Variants in ST6GALNAC3 observed in about 807,000 individuals in gnomAD.
The protein encoded by ST6GALNAC3 is ST6 N-acetylgalactosaminide alpha-2,6-sialyltransferase 3.
Under a neutral mutation model 32.7 loss-of-function variants are expected in ST6GALNAC3, and 25 were observed. That is an observed-to-expected ratio of 0.76 (90% CI 0.56 to 1.07). ST6GALNAC3 has a LOEUF of 1.07. Among genes scored for constraint, ST6GALNAC3 ranks in the 50% least tolerant of loss-of-function variants. ST6GALNAC3 has a pLI of 0.00. For synonymous variants in ST6GALNAC3, 129 were observed against 133.1 expected (o/e 0.97, Z 0.21); for missense variants, 355 against 382.4 (o/e 0.93, Z 0.60).
rs528697162 is a variant in ST6GALNAC3 at position 76,113,305 on chromosome 1, G to A, written c.18+38421G>A. 2.7e-5 allele frequency among the ~76,000 whole-genome samples: 4 copies of A among 147,414 alleles called. No homozygotes were observed. In the South Asian group the frequency reaches 6.7e-4, roughly 25 times the overall value. ...ATGGCAGCAGTACAGTCCAGCTTCC[G>A]CTCGGCATCAGAGGGAGACCGTGGG... is the stretch of plus-strand genomic sequence containing the variant. On this transcript the variant is annotated intron_variant, in intron 1 of 4. Coordinates refer to ENST00000328299, the MANE Select transcript of ST6GALNAC3 (RefSeq NM_152996.4).
chr1:76,576,212 T>C (rs1646804686), intron 3 of ST6GALNAC3, among the ~76,000 whole-genome samples: 1 of 151,974 alleles, frequency 6.6e-6, no homozygotes, highest in South Asian at 2.1e-4. Flanking sequence ...TTATTGGCAA[T>C]TAGTTATTAG....
chr1:76,156,128 G>C (rs1053620873), intron 1 of ST6GALNAC3, among the ~76,000 whole-genome samples: 1 of 151,982 alleles, frequency 6.6e-6, no homozygotes, highest in South Asian at 2.1e-4. Context: ...ATTAGACTGG[G>C]GTTATGGGTT....
At chr1:76,292,531 T>C (rs1660157182) in intron 1 of ST6GALNAC3, among the ~76,000 whole-genome samples, 1 of 152,130 alleles carries the variant, frequency 6.6e-6, no homozygotes, top group African/African-American at 2.4e-5. Context: ...TAAGTACCAG[T>C]AAGTAAGATT....
At chr1:76,578,928 A>G (rs529589324) in intron 3 of ST6GALNAC3, among the ~76,000 whole-genome samples, 3 of 152,198 alleles carry the variant, frequency 2.0e-5, no homozygotes, top group African/African-American at 7.2e-5. Flanking sequence ...GTGTGGGTGG[A>G]CATACATATA....
intron 3 of ST6GALNAC3, among the ~76,000 whole-genome samples, chr1:76,476,838 A>G (rs530510384): frequency 1.4e-4 from 21 of 152,164 alleles, no homozygotes; most frequent in Non-Finnish European, 2.2e-4. Context: ...TGTTGTGTAC[A>G]AGTAGCTTGA....
intron 3 of ST6GALNAC3, among the ~76,000 whole-genome samples, chr1:76,529,552 C>T (rs1481933029): frequency 1.3e-5 from 2 of 152,016 alleles, no homozygotes; most frequent in Non-Finnish European, 2.9e-5. Flanking sequence ...TATTCATACA[C>T]TCAAATAAAA....
chr1:76,578,583 G>A (rs1452751629), intron 3 of ST6GALNAC3, among the ~76,000 whole-genome samples: 2 of 152,000 alleles, frequency 1.3e-5, no homozygotes, highest in African/African-American at 4.8e-5. Flanking sequence ...GAAACTGGGA[G>A]CTGCTCTAAA....
chr1:76,204,014 C>T (rs930964523), intron 1 of ST6GALNAC3, among the ~76,000 whole-genome samples: 1 of 152,126 alleles, frequency 6.6e-6, no homozygotes, highest in Non-Finnish European at 1.5e-5. Flanking sequence ...CAACTTTTAT[C>T]AACCCTTTAA....
At chr1:76,467,300 A>T (rs768249682) in intron 3 of ST6GALNAC3, among the ~76,000 whole-genome samples, 1 of 151,998 alleles carries the variant, frequency 6.6e-6, no homozygotes, top group Non-Finnish European at 1.5e-5. Context: ...AAATGTCCTG[A>T]TATGAGTGGC....
intron 2 of ST6GALNAC3, among the ~76,000 whole-genome samples, chr1:76,322,740 A>C (rs1194898757): frequency 6.6e-6 from 1 of 152,008 alleles, no homozygotes; most frequent in African/African-American, 2.4e-5. Context: ...AATGTTATCC[A>C]CCACTGCCCC....
rs1392247424 is a variant in ST6GALNAC3, at chr1:76,634,539, A to G, written c.*5733A>G. On this transcript the variant is annotated 3_prime_UTR_variant, in exon 5 of 5. Coordinates refer to ENST00000328299, the MANE Select transcript of ST6GALNAC3 (RefSeq NM_152996.4). ...AGTTGTACGTTTGTTGAGAGTTTTT[A>G]TGGCATTATAGTGCTTTATTTATAA... 2 of 152,140 alleles carry G rather than the reference A, an allele frequency of 1.3e-5. No individual in the cohort carries two copies. Among genetic ancestry groups the G allele is most frequent in the African/African-American group, 4.8e-5 (2 of 41,436 alleles). The allele number at this position is 152,140 out of a possible 1,614,324, so 9.4% of individuals were successfully genotyped here. A position where few individuals can be genotyped will look rare whatever the true frequency, so the allele number is the denominator to read the frequency against.
chr1:76,497,244 C>T (rs749408544), intron 3 of ST6GALNAC3, among the ~76,000 whole-genome samples: 7 of 152,092 alleles, frequency 4.6e-5, no homozygotes, highest in Non-Finnish European at 8.8e-5. Flanking sequence ...TGAGACATAA[C>T]GGTAGGCAGG....
chr1:76,335,659 G>A (rs1369907524), intron 2 of ST6GALNAC3, among the ~76,000 whole-genome samples: 1 of 152,164 alleles, frequency 6.6e-6, no homozygotes, highest in Non-Finnish European at 1.5e-5. Flanking sequence ...TAAATAAAAT[G>A]ATGTCGTTCA....
intron 1 of ST6GALNAC3, among the ~76,000 whole-genome samples, chr1:76,123,655 GC>G (rs1649039835): frequency 6.6e-6 from 1 of 151,600 alleles, no homozygotes; most frequent in African/African-American, 2.4e-5. Flanking sequence ...AGTAATCATA[GC>G]TTTCACCTAT....
chr1:76,142,167 AG>A (rs1650368036), intron 1 of ST6GALNAC3, among the ~76,000 whole-genome samples: 1 of 152,150 alleles, frequency 6.6e-6, no homozygotes, highest in Non-Finnish European at 1.5e-5. Context: ...GAATGCGGAG[AG>A]GGGTGGAGAA....
chr1:76,543,697 A>G (rs1664126735), intron 3 of ST6GALNAC3, among the ~76,000 whole-genome samples: 2 of 152,150 alleles, frequency 1.3e-5, no homozygotes, highest in South Asian at 2.1e-4. Flanking sequence ...TAGCTGATCT[A>G]CTGGCACCTC....
chr1:76,636,217 C>T (rs114313079), downstream of ST6GALNAC3, among the ~76,000 whole-genome samples: 1,167 of 152,212 alleles, frequency 7.7e-3, 11 homozygotes, highest in African/African-American at 0.026. Context: ...GAGAAACTGG[C>T]ACACAAGAAA....
At chr1:76,113,407 G>A (rs1388810769) in intron 1 of ST6GALNAC3, among the ~76,000 whole-genome samples, 1 of 152,116 alleles carries the variant, frequency 6.6e-6, no homozygotes, top group Admixed American at 6.5e-5. Flanking sequence ...ATCTGCAAAC[G>A]CAGAACTCCA....
chr1:76,541,288 C>CGTG lies in ST6GALNAC3; in HGVS notation c.624-86162_624-86160dup, dbSNP rs530697043. ...GGGGTCCCTCCGGGGGAGTATGGAA[C>CGTG]GTGGATCCAAGGGTCAGAGAGAACA... On this transcript the variant is annotated intron_variant, in intron 3 of 4. Coordinates refer to ENST00000328299, the MANE Select transcript of ST6GALNAC3 (RefSeq NM_152996.4). Among the ~76,000 whole-genome samples, 258 of 152,132 alleles carry CGTG rather than the reference C, an allele frequency of 1.7e-3. 3 individuals carry two copies. Among genetic ancestry groups the CGTG allele is most frequent in the Non-Finnish European group, 2.4e-3 (162 of 68,008 alleles).
Sources: allele counts gnomAD v4.1 joint callset (sites outside exome capture counted in the v4.1 genomes callset), GRCh38; gene constraint gnomAD v4.1.1; transcripts MANE v1.5; gene names NCBI Gene and HGNC (gene_info 2026-07-23, HGNC 2026-07-21).